The following LY9 variants were observed in gnomAD, a reference collection of about 807,000 sequenced individuals.
LY9 encodes T-lymphocyte surface antigen Ly-9.
Under a neutral mutation model 64.6 loss-of-function variants are expected in LY9, and 59 were observed. The ratio of observed to expected loss-of-function variants is 0.91; its 90% CI spans 0.74 to 1.13. LY9 has a LOEUF of 1.13. LY9 is among the 50% of genes most tolerant of loss of function. The pLI, the probability that LY9 is intolerant of heterozygous loss-of-function variation, is 0.00. For synonymous variants in LY9, 281 were observed against 308.5 expected, an observed-to-expected ratio of 0.91 and a Z score of 0.93; for missense variants, 789 against 797.2, an observed-to-expected ratio of 0.99 and a Z score of 0.12.
At chr1:160,814,892 TG>T (rs1667822724) in intron 4 of LY9, 131 bp downstream of exon 4, 1 of 708,528 alleles carries the variant, frequency 1.4e-6, no homozygotes, top group South Asian at 1.8e-5. Context: ...CTAGGACAGC[TG>T]TTCAGTTCAC....
At chr1:160,823,910 G>A (rs1557820164) in intron 8 of LY9, 114 bp downstream of exon 8, 12 of 875,258 alleles carry the variant, frequency 1.4e-5, no homozygotes, top group Middle Eastern at 2.8e-4. Context: ...CAGGACTAGG[G>A]GCATACGGGC....
At chr1:160,818,417 C>A in intron 6 of LY9, 98 bp downstream of exon 6, 1 of 821,090 alleles carries the variant, frequency 1.2e-6, no homozygotes, top group Non-Finnish European at 2.0e-6. Flanking sequence ...GCTACCCCTC[C>A]CTGCCAGCAT....
intron 2 of LY9, among the ~76,000 whole-genome samples, chr1:160,809,545 A>G (rs1667303673): frequency 6.6e-6 from 1 of 151,956 alleles, no homozygotes; most frequent in African/African-American, 2.4e-5. Context: ...TTTATTTTGT[A>G]GAGACTGGTT....
At chr1:160,812,430 G>A (rs1388730602) in intron 2 of LY9, 2 of 89,526 alleles carry the variant, frequency 2.2e-5, no homozygotes, top group Non-Finnish European at 5.7e-5. Flanking sequence ...CTTTCTATCA[G>A]ATAATTTGAC....
intron 6 of LY9, among the ~76,000 whole-genome samples, 162 bp from the exon 7 acceptor site, chr1:160,819,159 C>T (rs755141217): frequency 1.1e-4 from 16 of 152,170 alleles, no homozygotes; most frequent in Non-Finnish European, 2.4e-4. Flanking sequence ...GCCACCCCTT[C>T]ACATAGGCCT....
intron 2 of LY9, chr1:160,811,809 T>C (rs1667497158): frequency 6.6e-6 from 1 of 152,238 alleles, no homozygotes; most frequent in Non-Finnish European, 1.5e-5. Flanking sequence ...ATAGCAGCAT[T>C]CCCTGCAGTG....
chr1:160,821,187 A>G (rs1283464415), intron 7 of LY9, among the ~76,000 whole-genome samples: 2 of 148,256 alleles, frequency 1.3e-5, no homozygotes, highest in Admixed American at 6.8e-5. Flanking sequence ...TTCACATGGC[A>G]TACAGTTAAA....
In LY9 at chr1:160,822,316, C is replaced by T. The variant is rs551543843; in HGVS notation, c.1499-1149C>T. 3.9e-4 allele frequency among the ~76,000 whole-genome samples: 59 copies of T among 152,186 alleles called. 1 individual carries two copies. Among genetic ancestry groups the T allele is most frequent in the African/African-American group, 1.3e-3 (54 of 41,514 alleles). ...GTTTGAGGAGGCGGTGTCTGATTTACCTAGGGCTCACAGATTGGTTCGATA... is the reference window on the plus strand; with the variant it reads ...GTTTGAGGAGGCGGTGTCTGATTTATCTAGGGCTCACAGATTGGTTCGATA... On this transcript the variant is annotated intron_variant, in intron 7 of 9. Coordinates refer to ENST00000263285, the MANE Select transcript of LY9 (RefSeq NM_002348.4).
At chr1:160,824,091 AG>A in intron 8 of LY9, 89 bp from the exon 9 acceptor site, 1 of 1,529,430 alleles carries the variant, frequency 6.5e-7, no homozygotes, top group South Asian at 1.2e-5. Flanking sequence ...ATGGGAAGCC[AG>A]GGGGTATCCC....
At chr1:160,801,366 G>A (rs978518546) in intron 2 of LY9, among the ~76,000 whole-genome samples, 4 of 152,146 alleles carry the variant, frequency 2.6e-5, no homozygotes, top group Non-Finnish European at 5.9e-5. Context: ...CTTCTTTTGA[G>A]AAATGTCTGT....
intron 1 of LY9, among the ~76,000 whole-genome samples, chr1:160,798,120 C>G (rs989972935): frequency 6.6e-6 from 1 of 152,162 alleles, no homozygotes; most frequent in Non-Finnish European, 1.5e-5. Context: ...AAGATTTGCC[C>G]TGTGAGGCCC....
At position 160,823,596 on chromosome 1, in the gene LY9, G is replaced by A. The variant is rs1380168643; in HGVS notation, c.1630G>A (p.Glu544Lys). Residue 544 changes from glutamate (E) to lysine (K), a missense_variant, in exon 8 of 10, where the codon GAG becomes AAG. Coordinates refer to ENST00000263285, the MANE Select transcript of LY9 (RefSeq NM_002348.4). ...CAGCTCTGACAGCAACCTCACAACTGAGGAGGATGAGGACAGGCCTGAGGT... is the reference window on the plus strand; with the variant it reads ...CAGCTCTGACAGCAACCTCACAACTAAGGAGGATGAGGACAGGCCTGAGGT... The part of the protein sequence containing the change: ...DSSSDSNLTT[E>K]EDEDRPEVHK... The A allele has an allele frequency of 6.2e-7, 1 of 1,614,048 alleles. No individual in the cohort carries two copies. The highest frequency in any genetic ancestry group is 8.5e-7 in the Non-Finnish European group (1 of 1,180,028).
intron 1 of LY9, chr1:160,798,925 G>A (rs2101732188): frequency 6.6e-6 from 1 of 152,276 alleles, no homozygotes. Flanking sequence ...GGGAATCCAA[G>A]CTAGGGTCAC....
At chr1:160,820,777 T>C (rs1320721290) in intron 7 of LY9, among the ~76,000 whole-genome samples, 1 of 151,930 alleles carries the variant, frequency 6.6e-6, no homozygotes, top group African/African-American at 2.4e-5. Flanking sequence ...CAAGGTCTCC[T>C]CTTCCCTAGA....
In LY9 at chr1:160,816,628, C is replaced by T; in HGVS notation, c.1107C>T (p.Leu369=). 1.2e-6 allele frequency: 2 copies of T among 1,612,364 alleles called. No individual in the cohort carries two copies. The highest frequency in any genetic ancestry group is 1.7e-6 in the Non-Finnish European group (2 of 1,179,156). Residue 369 remains leucine, a synonymous_variant, in exon 5 of 10, where the codon CTC becomes CTT. Coordinates refer to ENST00000263285, the MANE Select transcript of LY9 (RefSeq NM_002348.4). ...RLRKPKITWS[L]RHSEDGICRI... ...GGAAGCCCAAAATCACGTGGAGCCTCAGGCACAGTGAGGATGGCATCTGCA... is the reference window on the plus strand; with the variant it reads ...GGAAGCCCAAAATCACGTGGAGCCTTAGGCACAGTGAGGATGGCATCTGCA...
intron 9 of LY9, 125 bp downstream of exon 9, chr1:160,824,374 C>T: frequency 1.4e-6 from 2 of 1,475,488 alleles, no homozygotes; most frequent in African/African-American, 1.4e-5. Flanking sequence ...ACTATGCACC[C>T]CTCAGATACA....
chr1:160,811,934 A>G (rs1248633831), intron 2 of LY9: 1 of 152,044 alleles, frequency 6.6e-6, no homozygotes, highest in Non-Finnish European at 1.5e-5. Context: ...AATTCTTCCA[A>G]TCTCCACCCA....
In LY9 at chr1:160,814,709, C is replaced by T. The variant is rs1326817090; in HGVS notation, c.1020C>T (p.Cys340=). Residue 340 remains cysteine (C), a synonymous_variant, in exon 4 of 10, where the codon TGC becomes TGT. Coordinates refer to ENST00000263285, the MANE Select transcript of LY9 (RefSeq NM_002348.4). ...CCGGCCCCTACCATGCCTACGTGTG[C>T]TCAGAGGCCTCCAGCGTCACCAGCA... is the stretch of plus-strand genomic sequence containing the variant. ...EDAGPYHAYV[C]SEASSVTSMT... 3 of 1,614,168 alleles carry T rather than the reference C, an allele frequency of 1.9e-6. No individual in the cohort carries two copies. The highest frequency in any genetic ancestry group is 2.5e-6 in the Non-Finnish European group (3 of 1,180,024).
chr1:160,826,577 A>G (rs1668864539), intron 9 of LY9, among the ~76,000 whole-genome samples: 1 of 152,230 alleles, frequency 6.6e-6, no homozygotes, highest in Non-Finnish European at 1.5e-5. Context: ...ACTACTTAAT[A>G]AATTGTATGC....
Sources: allele counts gnomAD v4.1 joint callset (sites outside exome capture counted in the v4.1 genomes callset), GRCh38; gene constraint gnomAD v4.1.1; transcripts MANE v1.5; gene names NCBI Gene and HGNC (gene_info 2026-07-23, HGNC 2026-07-21).